Variants in PDE5A observed in about 807,000 individuals in gnomAD.
PDE5A encodes the protein phosphodiesterase 5A.
PDE5A carries 67 observed loss-of-function variants against 110.2 expected under a neutral mutation model. The ratio of observed to expected loss-of-function variants is 0.61; its 90% CI spans 0.50 to 0.75. PDE5A has a LOEUF of 0.75. Ranked by LOEUF, PDE5A falls within the 30% of genes least tolerant of loss-of-function variation. The pLI is 0.00. For synonymous variants in PDE5A, 328 were observed against 351.2 expected (o/e 0.93, Z 0.74); for missense variants, 862 against 1,045.1 (o/e 0.82, Z 2.42).
intron 3 of PDE5A, among the ~76,000 whole-genome samples, chr4:119,584,869 G>T (rs1316578902): frequency 6.6e-6 from 1 of 152,190 alleles, no homozygotes; most frequent in African/African-American, 2.4e-5. Flanking sequence ...GGTGCAGAAA[G>T]ATATAATAGA....
chr4:119,623,550 A>G (rs1730236749), intron 1 of PDE5A, among the ~76,000 whole-genome samples: 2 of 152,240 alleles, frequency 1.3e-5, no homozygotes, highest in African/African-American at 4.8e-5. Context: ...CACTCCCTAT[A>G]ATCAGATAAG....
intron 1 of PDE5A, among the ~76,000 whole-genome samples, chr4:119,626,355 C>A (rs1167299251): frequency 6.6e-6 from 1 of 152,094 alleles, no homozygotes; most frequent in Non-Finnish European, 1.5e-5. Flanking sequence ...ATGCAGTGTT[C>A]CTATCTATGA....
intron 15 of PDE5A, among the ~76,000 whole-genome samples, chr4:119,510,068 TTA>T (rs1725686537): frequency 1.2e-5 from 1 of 82,526 alleles, no homozygotes; most frequent in Non-Finnish European, 3.0e-5. Flanking sequence ...GAGGAAGGAG[TTA>T]GAAGAAACAC....
intron 20 of PDE5A, chr4:119,500,887 T>G (rs1252287827): frequency 3.0e-6 from 1 of 329,968 alleles, no homozygotes; most frequent in Non-Finnish European, 5.5e-6. Context: ...TAACGCATAG[T>G]ATATACAGTA....
In PDE5A at chr4:119,538,906, G is replaced by A. The variant is rs1478360843; in HGVS notation, c.1632+54C>T. The A allele has an allele frequency of 1.9e-5, 23 of 1,219,406 alleles. 1 individual carries two copies. In the Admixed American group the frequency reaches 3.7e-4, roughly 20 times the overall value. 75.5% of individuals were successfully genotyped at this position (1,219,406 alleles called of 1,614,324 possible). ...ATCCATCTAAATATTTACCAAATTT[G>A]GTTAAATTAGGTGTCTGTAATTAGT... On this transcript the variant is annotated intron_variant, in intron 11 of 20. Coordinates refer to ENST00000354960, the MANE Select transcript of PDE5A (RefSeq NM_001083.4).
chr4:119,585,719 C>T (rs183866813), intron 3 of PDE5A, among the ~76,000 whole-genome samples: 10 of 152,334 alleles, frequency 6.6e-5, no homozygotes, highest in African/African-American at 2.4e-4. Flanking sequence ...TAATTCCCTT[C>T]CTCTTGAGTC....
rs1729159111 is a variant in PDE5A, at chr4:119,596,575, C to A, written c.779G>T (p.Gly260Val). The A allele has an allele frequency of 6.2e-7, 1 of 1,601,428 alleles. No individual in the cohort carries two copies. Among genetic ancestry groups the A allele is most frequent in the Non-Finnish European group, 8.5e-7 (1 of 1,173,692 alleles). ...RFNAEVDQITGYKTQSILCMP... is the reference protein window; with the variant it reads ...RFNAEVDQITVYKTQSILCMP... ...ACAAAGAATGCTTTGTGTCTTGTAG[C>A]CTGTAATTTGGTCAACTTCTGCATT... The change falls in exon 3 of 21, where the codon GGC becomes GTC. Residue 260 changes from glycine to valine, a missense_variant. Gly to Val is a moderately radical substitution (Grantham distance 109). Transcript: ENST00000354960.
intron 3 of PDE5A, 115 bp downstream of exon 3, chr4:119,596,408 T>C (rs1729152540): frequency 6.1e-6 from 3 of 491,030 alleles, no homozygotes; most frequent in Non-Finnish European, 1.1e-5. Flanking sequence ...TTAAGAACTT[T>C]ATAGCTAATT....
At position 119,628,763 on chromosome 4, in the gene PDE5A, A is replaced by C; in HGVS notation, c.-92T>G. ...CAGAAGAACAGGACTCGGCCTCGAG[A>C]CCCTCCCCCTTCGTCCTGCTCCAGT... On this transcript the variant is annotated 5_prime_UTR_variant, in exon 1 of 21. Coordinates refer to ENST00000354960, the MANE Select transcript of PDE5A (RefSeq NM_001083.4). The C allele has an allele frequency of 6.5e-7, 1 of 1,528,782 alleles. No homozygotes were observed. Among genetic ancestry groups the C allele is most frequent in the Non-Finnish European group, 8.8e-7 (1 of 1,132,852 alleles). 94.7% of individuals were successfully genotyped at this position (1,528,782 alleles called of 1,614,324 possible).
Position 119,525,832 on chromosome 4 carries a change from T to C in PDE5A, c.1633-137A>G. ...TTTTAATGAAAGACACTAGAAACCT[T>C]TTTGTACAGTGGCAACTCCACTCTC... On this transcript the variant is annotated intron_variant, in intron 11 of 20. Coordinates refer to ENST00000354960, the MANE Select transcript of PDE5A (RefSeq NM_001083.4). This position sits in a 1 kb window ranked among gnomAD's most constrained non-coding sequence, Gnocchi z 4.3. 1.3e-6 allele frequency: 1 copy of C among 742,180 alleles called. No homozygotes were observed. Among genetic ancestry groups the C allele is most frequent in the Non-Finnish European group, 2.1e-6 (1 of 468,272 alleles). 46.0% of individuals were successfully genotyped at this position (742,180 alleles called of 1,614,324 possible). A position where few individuals can be genotyped will look rare whatever the true frequency, so the allele number is the denominator to read the frequency against.
At chr4:119,520,397 C>T (rs754255851) in intron 13 of PDE5A, among the ~76,000 whole-genome samples, 4 of 152,044 alleles carry the variant, frequency 2.6e-5, no homozygotes, top group South Asian at 2.1e-4. Flanking sequence ...ATTACTTGAA[C>T]GTTTTCTGCA....
chr4:119,625,089 C>T (rs1005699531), intron 1 of PDE5A, among the ~76,000 whole-genome samples: 1 of 151,118 alleles, frequency 6.6e-6, no homozygotes, highest in South Asian at 2.1e-4. Context: ...TGGCTCACTG[C>T]AACCTCTGCC....
At chr4:119,591,241 T>A (rs1001918210) in intron 3 of PDE5A, among the ~76,000 whole-genome samples, 5 of 152,200 alleles carry the variant, frequency 3.3e-5, no homozygotes, top group African/African-American at 1.2e-4. Flanking sequence ...GCTCTATTAG[T>A]TCTACATCTC....
chr4:119,532,574 T>G (rs1726582926), intron 11 of PDE5A, among the ~76,000 whole-genome samples: 1 of 152,112 alleles, frequency 6.6e-6, no homozygotes, highest in Non-Finnish European at 1.5e-5. Context: ...GAGTGCCTTT[T>G]TGTTTATTCA....
intron 2 of PDE5A, among the ~76,000 whole-genome samples, chr4:119,604,902 C>T (rs1181894628): frequency 2.0e-5 from 3 of 152,158 alleles, no homozygotes; most frequent in Admixed American, 1.3e-4. Flanking sequence ...AATACTTCTT[C>T]ATCCGAAATC....
chr4:119,545,885 T>G (rs987680901), intron 9 of PDE5A, among the ~76,000 whole-genome samples: 2 of 152,170 alleles, frequency 1.3e-5, no homozygotes. Flanking sequence ...TCACCTATCT[T>G]GCAAATACTT....
chr4:119,516,385 A>G (rs1025763410), intron 14 of PDE5A, among the ~76,000 whole-genome samples: 1 of 152,224 alleles, frequency 6.6e-6, no homozygotes, highest in African/African-American at 2.4e-5. Flanking sequence ...TTCATTATCT[A>G]TCTGCCTAGA....
intron 11 of PDE5A, among the ~76,000 whole-genome samples, chr4:119,530,426 C>T (rs1430964834): frequency 6.6e-6 from 1 of 152,074 alleles, no homozygotes; most frequent in East Asian, 1.9e-4. Context: ...GCCACATCTC[C>T]TATGTGAAAG....
At chr4:119,603,306 T>C (rs1401096126) in intron 2 of PDE5A, among the ~76,000 whole-genome samples, 1 of 152,130 alleles carries the variant, frequency 6.6e-6, no homozygotes, top group Non-Finnish European at 1.5e-5. Context: ...TCTCGTGCAG[T>C]TGAAGTGAGT....
Sources: allele counts gnomAD v4.1 joint callset (sites outside exome capture counted in the v4.1 genomes callset), GRCh38; gene constraint gnomAD v4.1.1; non-coding constraint Gnocchi (gnomAD v3.1); transcripts MANE v1.5; gene names NCBI Gene and HGNC (gene_info 2026-07-23, HGNC 2026-07-21).